The following CELF2 variants were observed in gnomAD, a reference collection of about 807,000 sequenced individuals.
CELF2 encodes CUGBP Elav-like family member 2.
In CELF2, 8 loss-of-function variants were observed where a neutral mutation model predicts 62.6. The observed-to-expected ratio is 0.13, with a 90% CI of 0.07 to 0.23. CELF2 has a LOEUF of 0.23. Ranked by LOEUF, CELF2 falls within the 10% of genes least tolerant of loss-of-function variation. CELF2 has a pLI of 1.00. For missense variants in CELF2, 333 were observed against 671.0 expected, an observed-to-expected ratio of 0.50 and a Z score of 5.56; for synonymous variants, 258 against 250.0, an observed-to-expected ratio of 1.03 and a Z score of -0.30.
intron 1 of CELF2, among the ~76,000 whole-genome samples, chr10:11,007,225 A>G (rs543498560): frequency 7.9e-5 from 12 of 152,344 alleles, no homozygotes; most frequent in Non-Finnish European, 1.3e-4. Flanking sequence ...TTCAAACTTT[A>G]GTTGTAAATA....
chr10:11,244,111 T>G lies in CELF2; in HGVS notation c.355-5042T>G, dbSNP rs1295349183. 1.3e-5 allele frequency among the ~76,000 whole-genome samples: 2 copies of G among 152,206 alleles called. No homozygotes were observed. Among genetic ancestry groups the G allele is most frequent in the Non-Finnish European group, 2.9e-5 (2 of 68,040 alleles). Reference sequence around the variant, plus strand: ...GCTCTGGCAGCAGGGAGGGCCAGGGTCCCTAGTCATGGGGAAGCAGTTGAG... The same window carrying G: ...GCTCTGGCAGCAGGGAGGGCCAGGGGCCCTAGTCATGGGGAAGCAGTTGAG... On this transcript the variant is annotated intron_variant, in intron 3 of 12. Transcript: ENST00000633077. The surrounding 1 kb of genome is among the most constrained non-coding windows in gnomAD (Gnocchi z 4.2).
At position 11,319,831 on chromosome 10, in the gene CELF2, T is replaced by C. The variant is rs1173051162; in HGVS notation, c.1097-1358T>C. 1 of 471,060 alleles carries C rather than the reference T, an allele frequency of 2.1e-6. No homozygotes were observed. Among genetic ancestry groups the C allele is most frequent in the Admixed American group, 2.3e-5 (1 of 42,584 alleles). The allele number at this position is 471,060 out of a possible 1,614,324, so 29.2% of individuals were successfully genotyped here. A position where few individuals can be genotyped will look rare whatever the true frequency, so the allele number is the denominator to read the frequency against. ...AATTGAAGAGGCGAAGTTGGCCAAATAGAAGCACAAGTGGAGTAAACAGAA... is the reference window on the plus strand; with the variant it reads ...AATTGAAGAGGCGAAGTTGGCCAAACAGAAGCACAAGTGGAGTAAACAGAA... On this transcript the variant is annotated intron_variant, in intron 10 of 12. Transcript: ENST00000633077. The surrounding 1 kb of genome is among the most constrained non-coding windows in gnomAD (Gnocchi z 4.4).
chr10:10,977,122 A>G (rs1479950082), intron 2 of CELF2, among the ~76,000 whole-genome samples: 1 of 152,192 alleles, frequency 6.6e-6, no homozygotes, highest in Admixed American at 6.5e-5. Context: ...TGCAAAAAAA[A>G]ACTGCCAGTA....
intron 3 of CELF2, among the ~76,000 whole-genome samples, chr10:11,248,105 G>A (rs1400686506): frequency 1.3e-5 from 2 of 152,224 alleles, no homozygotes; most frequent in African/African-American, 4.8e-5. Context: ...GAGAGAATGG[G>A]ACCCATTATA....
Position 11,244,089 on chromosome 10 carries a change from C to A in CELF2, c.355-5064C>A, listed in dbSNP as rs2074865686. Among the ~76,000 whole-genome samples, 1 of 152,354 alleles carries A rather than the reference C, an allele frequency of 6.6e-6. No individual in the cohort carries two copies. The highest frequency in any genetic ancestry group is 1.9e-4 in the East Asian group (1 of 5,184). ...ATCCTGCCTCCAGCCCCATCTAGCT[C>A]TGGCAGCAGGGAGGGCCAGGGTCCC... On this transcript the variant is annotated intron_variant, in intron 3 of 12. Coordinates refer to ENST00000633077, the MANE Select transcript of CELF2 (RefSeq NM_001326342.2). The surrounding 1 kb of genome is among the most constrained non-coding windows in gnomAD (Gnocchi z 4.2).
Position 11,046,333 on chromosome 10 carries a change from AT to A in CELF2, c.74+28172del, listed in dbSNP as rs1216840433. Among the ~76,000 whole-genome samples the A allele has an allele frequency of 6.6e-6, 1 of 152,184 alleles. No homozygotes were observed. The highest frequency in any genetic ancestry group is 6.5e-5 in the Admixed American group (1 of 15,282). ...CAATGTGCCGGTCAGAAAATCACAG[AT>A]TGCCAACTGCTGCTGGATGCAATTT... On this transcript the variant is annotated intron_variant, in intron 1 of 12. Coordinates refer to ENST00000633077, the MANE Select transcript of CELF2 (RefSeq NM_001326342.2). This position sits in a 1 kb window ranked among gnomAD's most constrained non-coding sequence, Gnocchi z 4.6.
chr10:10,887,320 A>G (rs1322456017), intron 1 of CELF2, among the ~76,000 whole-genome samples: 1 of 152,192 alleles, frequency 6.6e-6, no homozygotes, highest in East Asian at 1.9e-4. Flanking sequence ...TGTGATTAAT[A>G]GGACTCTTTC....
Position 11,255,270 on chromosome 10 carries a change from C to T in CELF2, c.404-2468C>T, listed in dbSNP as rs2137670985. On this transcript the variant is annotated intron_variant, in intron 4 of 12. Coordinates refer to ENST00000633077, the MANE Select transcript of CELF2 (RefSeq NM_001326342.2). This position sits in a 1 kb window ranked among gnomAD's most constrained non-coding sequence, Gnocchi z 5.5. ...CTCCCAGGAATTGGAGCCCGGGGTG[C>T]CTGTTGCCCATGTCTCCTCCGAGTC... Among the ~76,000 whole-genome samples the T allele has an allele frequency of 6.6e-6, 1 of 152,316 alleles. No homozygotes were observed. Among genetic ancestry groups the T allele is most frequent in the East Asian group, 1.9e-4 (1 of 5,180 alleles).
chr10:10,896,450 G>A (rs780307697), intron 1 of CELF2, among the ~76,000 whole-genome samples: 7 of 152,042 alleles, frequency 4.6e-5, no homozygotes, highest in Admixed American at 6.6e-5. Flanking sequence ...CCAGAATCTC[G>A]AATATGACCT....
At chr10:11,313,183 G>C (rs1460292705) in intron 9 of CELF2, among the ~76,000 whole-genome samples, 1 of 152,146 alleles carries the variant, frequency 6.6e-6, no homozygotes, top group African/African-American at 2.4e-5. Context: ...GGAAAAATTA[G>C]AAACAAAAAG....
chr10:10,753,115 A>G, the CELF2 span, among the ~76,000 whole-genome samples: 1 of 152,226 alleles, frequency 6.6e-6, no homozygotes, highest in African/African-American at 2.4e-5. Flanking sequence ...TAAATATTAA[A>G]AAGGTAAGCA....
At chr10:11,085,977 C>A (rs2046601332) in intron 1 of CELF2, among the ~76,000 whole-genome samples, 1 of 152,090 alleles carries the variant, frequency 6.6e-6, no homozygotes. Context: ...ATAACAAGTT[C>A]ATTGTGATGG....
At chr10:10,999,523 C>T (rs2054305376) in intron 2 of CELF2, among the ~76,000 whole-genome samples, 1 of 152,162 alleles carries the variant, frequency 6.6e-6, no homozygotes. Context: ...AACACTTGAG[C>T]CCAGGAGTTC....
In CELF2 at chr10:11,157,969, CTT is replaced by C. The variant is rs2064887959; in HGVS notation, c.75-7515_75-7514del. Among the ~76,000 whole-genome samples, 1 of 152,202 alleles carries C rather than the reference CTT, an allele frequency of 6.6e-6. No individual in the cohort carries two copies. Among genetic ancestry groups the C allele is most frequent in the Non-Finnish European group, 1.5e-5 (1 of 68,034 alleles). ...CGTTTGCCCCCCTTGATGTGGGTCC[CTT>C]TAATCATTTGTTGTTGGACTGTGGA... On this transcript the variant is annotated intron_variant, in intron 1 of 12. Coordinates refer to ENST00000633077, the MANE Select transcript of CELF2 (RefSeq NM_001326342.2). The surrounding 1 kb of genome is among the most constrained non-coding windows in gnomAD (Gnocchi z 4.9).
chr10:10,844,759 G>A (rs1272693379), intron 1 of CELF2, among the ~76,000 whole-genome samples: 1 of 152,064 alleles, frequency 6.6e-6, no homozygotes, highest in Non-Finnish European at 1.5e-5. Flanking sequence ...TTTTGATTGG[G>A]ATTAGCAGAG....
chr10:10,955,786 C>T (rs765625190), intron 2 of CELF2, among the ~76,000 whole-genome samples: 9 of 152,162 alleles, frequency 5.9e-5, no homozygotes, highest in African/African-American at 2.2e-4. Flanking sequence ...GAACCAGACA[C>T]TAGGATACTG....
intron 1 of CELF2, among the ~76,000 whole-genome samples, chr10:11,077,919 C>A (rs1052757738): frequency 1.3e-5 from 2 of 152,090 alleles, no homozygotes; most frequent in East Asian, 1.9e-4. Context: ...TACAGTAACA[C>A]CTGTAAAAGC....
the CELF2 span, among the ~76,000 whole-genome samples, chr10:10,564,988 G>A: frequency 6.6e-6 from 1 of 152,196 alleles, no homozygotes; most frequent in Admixed American, 6.5e-5. Context: ...TTGTACAAAT[G>A]AAGAAATGCA....
rs865868229 is a variant in CELF2, at chr10:11,244,637, T to C, written c.355-4516T>C. ...GCCACTGCACTCCATCCAGCCTAGG[T>C]GACAGAGCAAGACTCCGTCTCAAAA... On this transcript the variant is annotated intron_variant, in intron 3 of 12. Transcript: ENST00000633077. The surrounding 1 kb of genome is among the most constrained non-coding windows in gnomAD (Gnocchi z 4.2). 1.1e-4 allele frequency among the ~76,000 whole-genome samples: 16 copies of C among 147,134 alleles called. No homozygotes were observed. Among genetic ancestry groups the C allele is most frequent in the African/African-American group, 3.5e-4 (14 of 39,760 alleles).
Sources: allele counts gnomAD v4.1 joint callset (sites outside exome capture counted in the v4.1 genomes callset), GRCh38; gene constraint gnomAD v4.1.1; non-coding constraint Gnocchi (gnomAD v3.1); transcripts MANE v1.5; gene names NCBI Gene and HGNC (gene_info 2026-07-23, HGNC 2026-07-21).